The following CACNA2D4 variants were observed in gnomAD, a reference collection of about 807,000 sequenced individuals.
The protein encoded by CACNA2D4 is voltage-dependent calcium channel subunit alpha-2/delta-4.
In CACNA2D4, 157 loss-of-function variants were observed where a neutral mutation model predicts 163.8. That is an observed-to-expected ratio of 0.96 (90% CI 0.84 to 1.09). The LOEUF is 1.09. CACNA2D4 is among the 50% of genes least tolerant of loss of function. The probability of loss-of-function intolerance (pLI) is 0.00; values close to 1 mark genes in which losing one functional copy is unlikely to be tolerated. For synonymous variants in CACNA2D4, 598 were observed against 586.9 expected (o/e 1.02, Z -0.27); for missense variants, 1,410 against 1,479.9 (o/e 0.95, Z 0.78).
intron 35 of CACNA2D4, among the ~76,000 whole-genome samples, chr12:1,796,620 C>T (rs1014228857): frequency 6.6e-6 from 1 of 152,216 alleles, no homozygotes; most frequent in African/African-American, 2.4e-5. Flanking sequence ...GCACAGAACC[C>T]GGGGTGAAAC....
chr12:1,870,658 T>G (rs1865750464), intron 18 of CACNA2D4, among the ~76,000 whole-genome samples: 1 of 152,040 alleles, frequency 6.6e-6, no homozygotes, highest in South Asian at 2.1e-4. Context: ...ATAATTGTTA[T>G]CTGCTGAAGG....
intron 29 of CACNA2D4, 74 bp from the exon 30 acceptor site, chr12:1,801,718 T>C: frequency 9.6e-7 from 1 of 1,042,558 alleles, no homozygotes; most frequent in East Asian, 2.7e-5. Context: ...AGTCCAGCAC[T>C]ATTTATTCAG....
chr12:1,884,854 A>G lies in CACNA2D4; in HGVS notation c.1186T>C (p.Cys396Arg). ...QFQEAKQGSL[C>R]NQAIMLISDG... The stretch of plus-strand genomic sequence containing the variant: ...CTGATGAGCATGATGGCCTGGTTGC[A>G]GAGGCTTCCTTGCTTGGCCTCTTGG... Residue 396 changes from cysteine (C) to arginine (R), a missense_variant, in exon 11 of 38, where the codon TGC (cysteine) becomes CGC (arginine). By Grantham distance (180) the Cys-to-Arg change is radical. Transcript: ENST00000382722. The G allele has an allele frequency of 6.2e-7, 1 of 1,613,844 alleles. No homozygotes were observed. Among genetic ancestry groups the G allele is most frequent in the Non-Finnish European group, 8.5e-7 (1 of 1,179,812 alleles).
Position 1,798,706 on chromosome 12 carries a change from G to A in CACNA2D4, c.2995+969C>T, listed in dbSNP as rs1863210006. ...GGCCAGACCAGGGGGAGGAGCTCCAGGGGACAGGTACCCCAGAGAAGAGAA... is the reference window on the plus strand; with the variant it reads ...GGCCAGACCAGGGGGAGGAGCTCCAAGGGACAGGTACCCCAGAGAAGAGAA... On this transcript the variant is annotated intron_variant, in intron 34 of 37. Coordinates refer to ENST00000382722, the MANE Select transcript of CACNA2D4 (RefSeq NM_172364.5). The surrounding 1 kb of genome is among the most constrained non-coding windows in gnomAD (Gnocchi z 4.3). Among the ~76,000 whole-genome samples, 2 of 152,190 alleles carry A rather than the reference G, an allele frequency of 1.3e-5. No individual in the cohort carries two copies. Among genetic ancestry groups the A allele is most frequent in the Non-Finnish European group, 2.9e-5 (2 of 68,042 alleles).
At chr12:1,804,121 C>CTGTGTGTG (rs57706301) in intron 29 of CACNA2D4, among the ~76,000 whole-genome samples, 3,726 of 139,114 alleles carry the variant, frequency 0.027, 69 homozygotes, top group Non-Finnish European at 0.033. Flanking sequence ...ATTCTAGTTA[C>CTGTGTGTG]TGTGTGTGTG....
At chr12:1,863,328 G>C (rs978938976) in intron 18 of CACNA2D4, among the ~76,000 whole-genome samples, 14 of 152,156 alleles carry the variant, frequency 9.2e-5, no homozygotes, top group Non-Finnish European at 4.4e-5. Flanking sequence ...GGTTATTGTA[G>C]CTTTATAGTA....
chr12:1,822,771 C>G (rs2041137), intron 26 of CACNA2D4, among the ~76,000 whole-genome samples: 129,232 of 152,246 alleles, frequency 0.85, 54,990 homozygotes, highest in Non-Finnish European at 0.86. Flanking sequence ...TGATGGGCAG[C>G]TGTCCTAGAG....
chr12:1,905,369 G>A (rs1260708362), intron 6 of CACNA2D4, among the ~76,000 whole-genome samples: 1 of 151,882 alleles, frequency 6.6e-6, no homozygotes, highest in East Asian at 1.9e-4. Context: ...GAGCAATTAG[G>A]CATAAAAAAG....
At chr12:1,811,273 G>A (rs938524011) in intron 27 of CACNA2D4, among the ~76,000 whole-genome samples, 4 of 152,232 alleles carry the variant, frequency 2.6e-5, no homozygotes, top group African/African-American at 9.6e-5. Flanking sequence ...GAACGGACAG[G>A]ACGAGGCCAG....
chr12:1,837,708 G>A (rs1422954801), intron 26 of CACNA2D4, among the ~76,000 whole-genome samples: 2 of 152,136 alleles, frequency 1.3e-5, no homozygotes, highest in South Asian at 4.2e-4. Flanking sequence ...TGGGGTGTCC[G>A]CCTTCCCCAG....
chr12:1,914,572 C>T (rs1198340613), intron 2 of CACNA2D4, among the ~76,000 whole-genome samples: 1 of 152,174 alleles, frequency 6.6e-6, no homozygotes, highest in Non-Finnish European at 1.5e-5. Context: ...CTCCTTTATT[C>T]TTCACCCCAC....
At chr12:1,855,957 C>T in intron 22 of CACNA2D4, 55 bp downstream of exon 22, 1 of 1,423,106 alleles carries the variant, frequency 7.0e-7, no homozygotes, top group Admixed American at 1.7e-5. Context: ...TGGCAAAGTC[C>T]TGAACTTCAG....
chr12:1,915,594 G>A (rs923066430), intron 1 of CACNA2D4, among the ~76,000 whole-genome samples: 1 of 152,272 alleles, frequency 6.6e-6, no homozygotes, highest in African/African-American at 2.4e-5. Flanking sequence ...GGGCACAGCA[G>A]GAAAAGGCTC....
intron 26 of CACNA2D4, among the ~76,000 whole-genome samples, chr12:1,823,439 G>A (rs113353115): frequency 6.6e-6 from 1 of 152,140 alleles, no homozygotes; most frequent in African/African-American, 2.4e-5. Flanking sequence ...GTGCTCTGAG[G>A]GGGCCGAGTG....
At chr12:1,796,501 G>C (rs1050172243) in intron 35 of CACNA2D4, among the ~76,000 whole-genome samples, 1 of 152,232 alleles carries the variant, frequency 6.6e-6, no homozygotes, top group African/African-American at 2.4e-5. Flanking sequence ...TTCAATTCAG[G>C]AGTGTCTACT....
chr12:1,885,457 A>C lies in CACNA2D4; in HGVS notation c.1069-381T>G, dbSNP rs548563208. On this transcript the variant is annotated intron_variant, in intron 9 of 37. Transcript: ENST00000382722. ...CAGAAAGTGTGGAGGTGCCCAGGGC[A>C]GAGGCCCGGCTTCAAGAGGAACTCA... Among the ~76,000 whole-genome samples the C allele has an allele frequency of 2.6e-3, 389 of 152,358 alleles. 2 individuals carry two copies. The highest frequency in any genetic ancestry group is 8.3e-3 in the African/African-American group (347 of 41,586).
At position 1,869,773 on chromosome 12, in the gene CACNA2D4, GCCCT is replaced by G. The variant is rs1380531301; in HGVS notation, c.1878+4827_1878+4830del. On this transcript the variant is annotated intron_variant, in intron 18 of 37. Coordinates refer to ENST00000382722, the MANE Select transcript of CACNA2D4 (RefSeq NM_172364.5). The surrounding 1 kb of genome is among the most constrained non-coding windows in gnomAD (Gnocchi z 4.7). ...CCCAGGGGCTCTGTTCTTTGACCAA[GCCCT>G]AACCATTTCTCCGCTGAGATTCTCC... Among the ~76,000 whole-genome samples the G allele has an allele frequency of 7.2e-5, 11 of 152,282 alleles. No homozygotes were observed. Among genetic ancestry groups the G allele is most frequent in the African/African-American group, 2.6e-4 (11 of 41,546 alleles).
At position 1,834,930 on chromosome 12, in the gene CACNA2D4, C is replaced by T; in HGVS notation, c.2551+5809G>A. 1.2e-6 allele frequency: 1 copy of T among 858,498 alleles called. No homozygotes were observed. The highest frequency in any genetic ancestry group is 1.7e-6 in the Non-Finnish European group (1 of 582,408). The allele number at this position is 858,498 out of a possible 1,614,324, so 53.2% of individuals were successfully genotyped here. On this transcript the variant is annotated intron_variant, in intron 26 of 37. Transcript: ENST00000382722. The surrounding 1 kb of genome is among the most constrained non-coding windows in gnomAD (Gnocchi z 7.6). Reference sequence around the variant, plus strand: ...GTGCTGGGGGCTCCTGCTGATGCTCCTGTCTGGGCCAGTAAATCTTTGGAA... The same window carrying T: ...GTGCTGGGGGCTCCTGCTGATGCTCTTGTCTGGGCCAGTAAATCTTTGGAA...
chr12:1,826,514 C>T (rs966433841), intron 26 of CACNA2D4, among the ~76,000 whole-genome samples: 1 of 151,624 alleles, frequency 6.6e-6, no homozygotes, highest in Non-Finnish European at 1.5e-5. Flanking sequence ...CCCCTCATGC[C>T]AGGGACGTGG....
Sources: gnomAD v4.1 joint callset for allele counts (sites outside exome capture counted in the v4.1 genomes callset) on GRCh38, gnomAD v4.1.1 for gene constraint, Gnocchi (gnomAD v3.1) non-coding constraint, MANE v1.5 for transcripts, NCBI Gene and HGNC (gene_info 2026-07-23, HGNC 2026-07-21) for gene names.